GMDS: variants seen among roughly 807,000 people sequenced by gnomAD.
The protein encoded by GMDS is GDP-mannose 4,6-dehydratase, also known as GDP-mannose 4,6 dehydratase.
A neutral mutation model predicts 49.9 loss-of-function variants in GMDS; 20 were observed. That is an observed-to-expected ratio of 0.40 (90% CI 0.28 to 0.58). The LOEUF is 0.58. GMDS is among the 20% of genes least tolerant of loss of function. The pLI is 0.42. For missense variants in GMDS, 362 were observed against 481.4 expected (o/e 0.75, Z 2.32); for synonymous variants, 177 against 178.6 (o/e 0.99, Z 0.07).
chr6:1,646,707 A>G (rs1232949437), intron 9 of GMDS, among the ~76,000 whole-genome samples: 2 of 151,738 alleles, frequency 1.3e-5, no homozygotes, highest in African/African-American at 4.8e-5. Context: ...TATGATCCCA[A>G]CCTCCTTTTC....
chr6:2,012,452 G>A (rs1283518980), intron 4 of GMDS, among the ~76,000 whole-genome samples: 1 of 152,000 alleles, frequency 6.6e-6, no homozygotes, highest in Non-Finnish European at 1.5e-5. Flanking sequence ...GTTTTATCAT[G>A]CAAACACTAA....
At chr6:1,908,170 CG>C (rs1760873271) in intron 7 of GMDS, among the ~76,000 whole-genome samples, 1 of 152,222 alleles carries the variant, frequency 6.6e-6, no homozygotes, top group East Asian at 1.9e-4. Flanking sequence ...GGGGATCCAC[CG>C]GACAAAGGAA....
At chr6:1,852,961 C>T (rs1015257500) in intron 7 of GMDS, among the ~76,000 whole-genome samples, 1 of 151,964 alleles carries the variant, frequency 6.6e-6, no homozygotes, top group Non-Finnish European at 1.5e-5. Flanking sequence ...CTCAGCCTCC[C>T]AAAGTGCTGG....
intron 4 of GMDS, among the ~76,000 whole-genome samples, chr6:2,064,512 T>C (rs543071658): frequency 2.6e-5 from 4 of 152,326 alleles, no homozygotes; most frequent in Admixed American, 6.5e-5. Context: ...GACAGAGACA[T>C]TGTGTCCATG....
chr6:1,661,655 G>A (rs1157671745), intron 9 of GMDS, among the ~76,000 whole-genome samples: 1 of 152,226 alleles, frequency 6.6e-6, no homozygotes, highest in Non-Finnish European at 1.5e-5. Context: ...CTGCTGACAG[G>A]CTGTCCGAGG....
chr6:1,951,000 C>T (rs955460951), intron 6 of GMDS, among the ~76,000 whole-genome samples: 24 of 152,150 alleles, frequency 1.6e-4, no homozygotes, highest in African/African-American at 5.8e-4. Flanking sequence ...CCCCCTCCTC[C>T]GTTGGGACAA....
intron 7 of GMDS, among the ~76,000 whole-genome samples, chr6:1,847,394 C>A (rs1337786288): frequency 6.6e-6 from 1 of 152,172 alleles, no homozygotes; most frequent in Non-Finnish European, 1.5e-5. Flanking sequence ...TGAGAAAAAT[C>A]ATGGGGGAAC....
intron 4 of GMDS, among the ~76,000 whole-genome samples, chr6:1,965,552 G>A (rs914938331): frequency 6.6e-6 from 1 of 152,188 alleles, no homozygotes; most frequent in African/African-American, 2.4e-5. Flanking sequence ...GCCAGGCACA[G>A]TGGCTCACAC....
intron 1 of GMDS, among the ~76,000 whole-genome samples, chr6:2,194,194 T>C (rs1389117959): frequency 2.6e-5 from 4 of 152,178 alleles, no homozygotes; most frequent in African/African-American, 4.8e-5. Context: ...GGAAAAGGCA[T>C]CTATTGATTA....
At chr6:2,230,941 A>AC (rs56658390) in intron 1 of GMDS, among the ~76,000 whole-genome samples, 1,980 of 18,024 alleles carry the variant, frequency 0.11, 105 homozygotes, top group South Asian at 0.29. Flanking sequence ...CCCCCCTCCC[A>AC]CCCCCCCCCC....
chr6:1,708,557 GATAAC>G lies in GMDS; in HGVS notation c.987+17854_987+17858del, dbSNP rs1214243141. 2.6e-5 allele frequency among the ~76,000 whole-genome samples: 4 copies of G among 152,376 alleles called. No individual in the cohort carries two copies. The Middle Eastern group carries it at 0.01, about 389-fold the overall frequency. ...ATCGGGCGAGAGCCCCACTGCATCAGATAACTGGTGCATCAAATGGTTTAGATCTT... is the reference window on the plus strand; with the variant it reads ...ATCGGGCGAGAGCCCCACTGCATCAGTGGTGCATCAAATGGTTTAGATCTT... On this transcript the variant is annotated intron_variant, in intron 9 of 10. Coordinates refer to ENST00000380815, the MANE Select transcript of GMDS (RefSeq NM_001500.4).
At chr6:2,002,988 A>G (rs950200653) in intron 4 of GMDS, among the ~76,000 whole-genome samples, 2 of 152,088 alleles carry the variant, frequency 1.3e-5, no homozygotes, top group Admixed American at 6.6e-5. Flanking sequence ...AAAAGTCAGA[A>G]AAAAAAATAC....
At chr6:2,056,198 C>T (rs1770768091) in intron 4 of GMDS, among the ~76,000 whole-genome samples, 1 of 152,114 alleles carries the variant, frequency 6.6e-6, no homozygotes, top group Non-Finnish European at 1.5e-5. Context: ...CATATAACTC[C>T]TTCAATTATC....
At chr6:2,034,539 G>C (rs1437498386) in intron 4 of GMDS, among the ~76,000 whole-genome samples, 2 of 152,138 alleles carry the variant, frequency 1.3e-5, no homozygotes, top group African/African-American at 4.8e-5. Context: ...ACTTTAAATA[G>C]TTGAATTTAT....
intron 6 of GMDS, among the ~76,000 whole-genome samples, chr6:1,952,325 T>C (rs944266921): frequency 2.0e-5 from 3 of 152,226 alleles, no homozygotes; most frequent in Non-Finnish European, 4.4e-5. Context: ...ATGAATTTCA[T>C]TTCCACATAC....
chr6:1,628,379 G>A (rs1020218880), intron 9 of GMDS, among the ~76,000 whole-genome samples: 3 of 152,116 alleles, frequency 2.0e-5, no homozygotes, highest in Admixed American at 6.5e-5. Flanking sequence ...TCCTTCCCCC[G>A]ATGTTATTTT....
chr6:1,676,319 G>C (rs1764622230), intron 9 of GMDS, among the ~76,000 whole-genome samples: 1 of 152,194 alleles, frequency 6.6e-6, no homozygotes, highest in South Asian at 2.1e-4. Context: ...CATGCTCATG[G>C]ATAGGAAGAA....
At chr6:2,168,234 C>T (rs1777766219) in intron 1 of GMDS, among the ~76,000 whole-genome samples, 1 of 152,230 alleles carries the variant, frequency 6.6e-6, no homozygotes, top group African/African-American at 2.4e-5. Flanking sequence ...CCATTTCCCT[C>T]CTTAGCTCTC....
At chr6:2,188,944 CAT>C (rs1778896953) in intron 1 of GMDS, among the ~76,000 whole-genome samples, 1 of 152,164 alleles carries the variant, frequency 6.6e-6, no homozygotes, top group Non-Finnish European at 1.5e-5. Context: ...GCTTGCCATA[CAT>C]AGAAGAGAGA....
Sources: allele counts gnomAD v4.1 joint callset (sites outside exome capture counted in the v4.1 genomes callset), GRCh38; gene constraint gnomAD v4.1.1; transcripts MANE v1.5; gene names NCBI Gene and HGNC (gene_info 2026-07-23, HGNC 2026-07-21).